ASB5: variants seen among roughly 807,000 people sequenced by gnomAD.
ASB5 encodes ankyrin repeat and SOCS box protein 5.
In ASB5, 45 loss-of-function variants were observed where a neutral mutation model predicts 42.1. That is an observed-to-expected ratio of 1.07 (90% CI 0.84 to 1.37). The LOEUF is 1.37. ASB5 is among the 40% of genes most tolerant of loss of function. The probability of loss-of-function intolerance (pLI) is 0.00; values close to 1 mark genes in which losing one functional copy is unlikely to be tolerated. For synonymous variants in ASB5, 147 were observed against 150.6 expected (o/e 0.98, Z 0.18); for missense variants, 402 against 399.8 (o/e 1.01, Z -0.05).
At chr4:176,255,652 A>G (rs944279194) in intron 1 of ASB5, among the ~76,000 whole-genome samples, 4 of 152,228 alleles carry the variant, frequency 2.6e-5, no homozygotes, top group African/African-American at 9.6e-5. Context: ...AGTGGGAGCT[A>G]AACAATGTGT....
At chr4:176,217,436 A>G (rs910046350) in intron 5 of ASB5, among the ~76,000 whole-genome samples, 1 of 152,066 alleles carries the variant, frequency 6.6e-6, no homozygotes, top group Non-Finnish European at 1.5e-5. Context: ...TATTTCTATT[A>G]TTCTTTTCAT....
At chr4:176,256,693 C>G (rs1249781614) in intron 1 of ASB5, among the ~76,000 whole-genome samples, 2 of 152,040 alleles carry the variant, frequency 1.3e-5, no homozygotes, top group Non-Finnish European at 2.9e-5. Context: ...AATCCTAGCT[C>G]TTAGGGAGGC....
intron 1 of ASB5, among the ~76,000 whole-genome samples, chr4:176,255,216 CAG>C (rs1277006259): frequency 5.3e-5 from 8 of 152,144 alleles, no homozygotes; most frequent in Admixed American, 5.2e-4. Context: ...GAAAAAACAA[CAG>C]ATGCTGGGGA....
At chr4:176,224,021 T>G (rs1487528367) in intron 2 of ASB5, among the ~76,000 whole-genome samples, 2 of 152,108 alleles carry the variant, frequency 1.3e-5, no homozygotes, top group Non-Finnish European at 2.9e-5. Flanking sequence ...AGTGTCTCAC[T>G]CTACAGATGA....
At chr4:176,268,232 T>G (rs1754395331) in intron 1 of ASB5, among the ~76,000 whole-genome samples, 1 of 152,166 alleles carries the variant, frequency 6.6e-6, no homozygotes, top group Non-Finnish European at 1.5e-5. Context: ...TTGTTTCTCA[T>G]TTGGTTTCAT....
At position 176,267,860 on chromosome 4, in the gene ASB5, CT is replaced by C. The variant is rs1340287751; in HGVS notation, c.196+1052del. 5.9e-5 allele frequency among the ~76,000 whole-genome samples: 9 copies of C among 152,256 alleles called. No individual in the cohort carries two copies. The East Asian group carries it at 1.7e-3, about 29-fold the overall frequency. ...AAAAAGATTTTCCACCTTCACTCAA[CT>C]TTCCATGTACTAATAGAGTAACCTA... On this transcript the variant is annotated intron_variant, in intron 1 of 6. Transcript: ENST00000296525.
intron 1 of ASB5, among the ~76,000 whole-genome samples, chr4:176,234,489 C>G (rs576086339): frequency 4.5e-4 from 69 of 152,316 alleles, no homozygotes; most frequent in Admixed American, 9.8e-4. Context: ...CCTGTCCCTT[C>G]CCCAACATTC....
At chr4:176,232,077 TG>T (rs1177454916) in intron 1 of ASB5, among the ~76,000 whole-genome samples, 1 of 151,526 alleles carries the variant, frequency 6.6e-6, no homozygotes, top group East Asian at 1.9e-4. Flanking sequence ...CAGTAAAAAA[TG>T]GCAATACCTT....
Position 176,261,383 on chromosome 4 carries a change from T to C in ASB5, c.196+7530A>G, listed in dbSNP as rs1754265725. Among the ~76,000 whole-genome samples, 4 of 152,218 alleles carry C rather than the reference T, an allele frequency of 2.6e-5. No individual in the cohort carries two copies. The South Asian group carries it at 8.3e-4, about 31-fold the overall frequency. ...CGACCCTTTTTCATATGCTGAATCC[T>C]GTAAAGGTATTAGAAAGTTCTTAAC... On this transcript the variant is annotated intron_variant, in intron 1 of 6. Coordinates refer to ENST00000296525, the MANE Select transcript of ASB5 (RefSeq NM_080874.4).
intron 1 of ASB5, among the ~76,000 whole-genome samples, chr4:176,248,316 TG>T (rs1278086027): frequency 2.6e-5 from 4 of 152,016 alleles, no homozygotes; most frequent in Non-Finnish European, 4.4e-5. Context: ...TTTGTACAGA[TG>T]GGGTTTTGCC....
chr4:176,231,688 A>G (rs1753549788), intron 1 of ASB5, among the ~76,000 whole-genome samples: 1 of 151,198 alleles, frequency 6.6e-6, no homozygotes, highest in South Asian at 2.1e-4. Flanking sequence ...ATGTAAATTA[A>G]AAAAAATTAT....
At chr4:176,253,910 T>C (rs897943020) in intron 1 of ASB5, among the ~76,000 whole-genome samples, 1 of 152,198 alleles carries the variant, frequency 6.6e-6, no homozygotes, top group African/African-American at 2.4e-5. Context: ...AAAGTCATCA[T>C]AGATGATCCA....
intron 1 of ASB5, among the ~76,000 whole-genome samples, chr4:176,256,212 C>T (rs967879520): frequency 6.6e-6 from 1 of 152,192 alleles, no homozygotes; most frequent in Admixed American, 6.5e-5. Flanking sequence ...CACCTGCCTA[C>T]ATCACATAGG....
chr4:176,269,439 G>C (rs1754428308), upstream of ASB5, among the ~76,000 whole-genome samples: 1 of 151,990 alleles, frequency 6.6e-6, no homozygotes, highest in Non-Finnish European at 1.5e-5. Context: ...TATATATTTA[G>C]TTATCAAGAA....
At chr4:176,217,630 G>T (rs752705721) in intron 5 of ASB5, among the ~76,000 whole-genome samples, 3 of 152,050 alleles carry the variant, frequency 2.0e-5, no homozygotes, top group Non-Finnish European at 4.4e-5. Context: ...TGAAAGGAAA[G>T]CTTTTAAAAA....
chr4:176,264,655 G>T (rs1754323186), intron 1 of ASB5, among the ~76,000 whole-genome samples: 1 of 152,158 alleles, frequency 6.6e-6, no homozygotes, highest in African/African-American at 2.4e-5. Context: ...CAAGCTCTAA[G>T]GGTCCACTTT....
chr4:176,219,283 T>C (rs866424489), intron 5 of ASB5, among the ~76,000 whole-genome samples: 6 of 112,150 alleles, frequency 5.3e-5, no homozygotes, highest in Non-Finnish European at 8.4e-5. Flanking sequence ...GTATGATATA[T>C]AAATATATAT....
chr4:176,258,533 T>C (rs1007058144), intron 1 of ASB5, among the ~76,000 whole-genome samples: 17 of 152,208 alleles, frequency 1.1e-4, no homozygotes, highest in African/African-American at 4.1e-4. Flanking sequence ...TTCTTCTCCA[T>C]AATAAAAGCA....
At chr4:176,241,200 A>G (rs184767994) in intron 1 of ASB5, among the ~76,000 whole-genome samples, 4 of 152,208 alleles carry the variant, frequency 2.6e-5, no homozygotes, top group African/African-American at 9.6e-5. Flanking sequence ...ACAGGTTGAT[A>G]ATTTTTATTT....
Sources: allele counts gnomAD v4.1 joint callset (sites outside exome capture counted in the v4.1 genomes callset), GRCh38; gene constraint gnomAD v4.1.1; transcripts MANE v1.5; gene names NCBI Gene and HGNC (gene_info 2026-07-23, HGNC 2026-07-21).